BLVRA: variants seen among roughly 807,000 people sequenced by gnomAD.
BLVRA encodes biliverdin reductase A, also known as BVR A.
A neutral mutation model predicts 32.8 loss-of-function variants in BLVRA; 22 were observed. That is an observed-to-expected ratio of 0.67 (90% CI 0.48 to 0.96). The LOEUF (loss-of-function observed/expected upper bound fraction) is 0.96, where lower values mean the gene tolerates loss of function less well. Ranked by LOEUF, BLVRA falls within the 40% of genes least tolerant of loss-of-function variation. BLVRA has a pLI of 0.00. For synonymous variants in BLVRA, 119 were observed against 141.3 expected, an observed-to-expected ratio of 0.84 and a Z score of 1.12; for missense variants, 323 against 358.1, an observed-to-expected ratio of 0.90 and a Z score of 0.79.
At chr7:43,792,961 AAC>A in intron 5 of BLVRA, 149 bp downstream of exon 5, 1 of 789,630 alleles carries the variant, frequency 1.3e-6, no homozygotes, top group Non-Finnish European at 2.1e-6. Flanking sequence ...CCACACTGTA[AAC>A]ACAGATAGTG....
At chr7:43,796,074 T>G (rs374149031) in intron 5 of BLVRA, among the ~76,000 whole-genome samples, 1 of 144,912 alleles carries the variant, frequency 6.9e-6, no homozygotes, top group African/African-American at 2.6e-5. Context: ...GAGCCGAGAT[T>G]GCACCACTGT....
At chr7:43,805,337 CG>C (rs2095803018) in intron 7 of BLVRA, among the ~76,000 whole-genome samples, 1 of 150,112 alleles carries the variant, frequency 6.7e-6, no homozygotes, top group Non-Finnish European at 1.5e-5. Context: ...GGCTGGAGTG[CG>C]GTGGTGTGAT....
chr7:43,773,950 T>C (rs550330081), intron 2 of BLVRA, among the ~76,000 whole-genome samples: 2 of 152,346 alleles, frequency 1.3e-5, no homozygotes, highest in South Asian at 4.1e-4. Flanking sequence ...TTGAGAAGTG[T>C]CTATTCATAT....
intron 2 of BLVRA, among the ~76,000 whole-genome samples, chr7:43,776,501 G>A (rs989816706): frequency 6.6e-6 from 1 of 152,168 alleles, no homozygotes; most frequent in African/African-American, 2.4e-5. Flanking sequence ...ACTGTGGTCT[G>A]AGAGACAGTT....
At chr7:43,802,882 C>T (rs778277044) in intron 6 of BLVRA, among the ~76,000 whole-genome samples, 7 of 151,768 alleles carry the variant, frequency 4.6e-5, no homozygotes, top group Non-Finnish European at 1.0e-4. Context: ...GGGTTACAGG[C>T]ACCCGTCACT....
chr7:43,794,663 AG>A (rs2095789805), intron 5 of BLVRA, among the ~76,000 whole-genome samples: 1 of 152,164 alleles, frequency 6.6e-6, no homozygotes, highest in South Asian at 2.1e-4. Flanking sequence ...TGAACCTGGG[AG>A]GCGGAGGTTG....
At position 43,788,058 on chromosome 7, in the gene BLVRA, A is replaced by G. The variant is rs765939375; in HGVS notation, c.134+33A>G. ...ACAATGTCTTTGTGCTTCATAATTC[A>G]TGGAAAGCCCAGTGAGGCGGATTAG... On this transcript the variant is annotated intron_variant, in intron 3 of 7. Transcript: ENST00000265523. 3.1e-6 allele frequency: 5 copies of G among 1,613,968 alleles called. No individual in the cohort carries two copies. The African/African-American group carries it at 4.0e-5, about 13-fold the overall frequency.
At chr7:43,766,769 G>A (rs1027828422) in intron 1 of BLVRA, among the ~76,000 whole-genome samples, 1 of 152,196 alleles carries the variant, frequency 6.6e-6, no homozygotes, top group African/African-American at 2.4e-5. Flanking sequence ...TGTGACCATG[G>A]CAGGTCCTGC....
chr7:43,784,064 G>A (rs932744996), intron 2 of BLVRA, among the ~76,000 whole-genome samples: 5 of 152,166 alleles, frequency 3.3e-5, no homozygotes, highest in African/African-American at 1.2e-4. Context: ...GGGTGGGGGC[G>A]CAAGCTCACT....
At chr7:43,805,650 T>C (rs988599803) in intron 7 of BLVRA, among the ~76,000 whole-genome samples, 1 of 151,128 alleles carries the variant, frequency 6.6e-6, no homozygotes, top group Non-Finnish European at 1.5e-5. Flanking sequence ...GCAGTTAATA[T>C]AATATAATAG....
intron 2 of BLVRA, among the ~76,000 whole-genome samples, chr7:43,782,054 G>A (rs538251459): frequency 4.6e-5 from 7 of 152,024 alleles, no homozygotes; most frequent in Non-Finnish European, 8.8e-5. Context: ...CTTTTCTTTC[G>A]TTACCTTCCC....
chr7:43,799,092 A>G (rs1284458188), intron 5 of BLVRA, among the ~76,000 whole-genome samples: 1 of 152,206 alleles, frequency 6.6e-6, no homozygotes, highest in African/African-American at 2.4e-5. Flanking sequence ...GAAAGCTTCT[A>G]CTTATCACAA....
intron 1 of BLVRA, chr7:43,767,247 C>A: frequency 3.9e-6 from 3 of 768,862 alleles, no homozygotes; most frequent in Non-Finnish European, 2.2e-6. Flanking sequence ...AAAAGAAAAG[C>A]AAGTAGCCTG....
At chr7:43,759,122 T>A (rs1333530872) in intron 1 of BLVRA, among the ~76,000 whole-genome samples, 5 of 152,204 alleles carry the variant, frequency 3.3e-5, no homozygotes. Context: ...GGCCCGGGCG[T>A]AGCCACCGCA....
At chr7:43,762,606 CTTTTTTTT>C (rs1162480081) in intron 1 of BLVRA, among the ~76,000 whole-genome samples, 3 of 100,862 alleles carry the variant, frequency 3.0e-5, no homozygotes, top group East Asian at 3.1e-4. Flanking sequence ...CCAGTAGTTC[CTTTTTTTT>C]TTTTTTTTTT....
chr7:43,765,851 TGTG>T (rs1373161527), intron 1 of BLVRA, among the ~76,000 whole-genome samples: 5 of 152,198 alleles, frequency 3.3e-5, no homozygotes, highest in African/African-American at 9.7e-5. Flanking sequence ...AAAATTTAAA[TGTG>T]GAGTCACTGG....
chr7:43,799,430 A>G (rs984069289), intron 5 of BLVRA, among the ~76,000 whole-genome samples: 2 of 152,166 alleles, frequency 1.3e-5, no homozygotes, highest in Non-Finnish European at 2.9e-5. Flanking sequence ...GAGCGAAAAA[A>G]TTTTATATAG....
At chr7:43,802,732 C>T (rs866865727) in intron 6 of BLVRA, among the ~76,000 whole-genome samples, 5 of 152,032 alleles carry the variant, frequency 3.3e-5, no homozygotes, top group Admixed American at 1.3e-4. Context: ...AACTCCTGGG[C>T]GCAAGCAGTC....
At chr7:43,800,683 A>C in intron 6 of BLVRA, 111 bp downstream of exon 6, 1 of 937,298 alleles carries the variant, frequency 1.1e-6, no homozygotes, top group Non-Finnish European at 1.7e-6. Flanking sequence ...AGACTCTCTG[A>C]CTCAGGGCCA....
Sources: allele counts gnomAD v4.1 joint callset (sites outside exome capture counted in the v4.1 genomes callset), GRCh38; gene constraint gnomAD v4.1.1; transcripts MANE v1.5; gene names NCBI Gene and HGNC (gene_info 2026-07-23, HGNC 2026-07-21).